IGF2BP3: variants seen among roughly 807,000 people sequenced by gnomAD.
IGF2BP3 encodes the protein insulin-like growth factor 2 mRNA-binding protein 3.
In IGF2BP3, 9 loss-of-function variants were observed where a neutral mutation model predicts 73.8. That is an observed-to-expected ratio of 0.12 (90% confidence interval 0.07 to 0.21). The LOEUF is 0.21. Among genes scored for constraint, IGF2BP3 ranks in the 10% least tolerant of loss-of-function variants. The pLI is 1.00. For missense variants in IGF2BP3, 542 were observed against 714.0 expected (o/e 0.76, Z 2.75); for synonymous variants, 258 against 256.7 (o/e 1.01, Z -0.05).
chr7:23,345,394 T>C (rs1208748436), intron 8 of IGF2BP3, among the ~76,000 whole-genome samples: 1 of 152,212 alleles, frequency 6.6e-6, no homozygotes, highest in Admixed American at 6.5e-5. Context: ...ATAAAAGACA[T>C]TGCAGTTTCC....
intron 6 of IGF2BP3, among the ~76,000 whole-genome samples, chr7:23,351,089 G>A (rs534011556): frequency 1.1e-4 from 16 of 152,276 alleles, no homozygotes; most frequent in African/African-American, 3.9e-4. Flanking sequence ...CCATTCATGT[G>A]TGAAAATCTG....
intron 3 of IGF2BP3, among the ~76,000 whole-genome samples, chr7:23,401,812 A>T (rs1276338715): frequency 6.6e-6 from 1 of 150,634 alleles, no homozygotes; most frequent in Non-Finnish European, 1.5e-5. Context: ...AGCAAAATGC[A>T]GTCTAGGCCG....
At chr7:23,401,881 G>A (rs1786676616) in intron 3 of IGF2BP3, among the ~76,000 whole-genome samples, 1 of 152,146 alleles carries the variant, frequency 6.6e-6, no homozygotes, top group Non-Finnish European at 1.5e-5. Flanking sequence ...GGCTGAGACA[G>A]GTGAATCACC....
intron 12 of IGF2BP3, among the ~76,000 whole-genome samples, chr7:23,314,888 C>G (rs911104510): frequency 6.6e-6 from 1 of 151,956 alleles, no homozygotes; most frequent in African/African-American, 2.4e-5. Context: ...ACCTCCGACC[C>G]CCGGGTTCAA....
At chr7:23,312,688 G>A (rs762046172) in intron 14 of IGF2BP3, 47 bp downstream of exon 14, 1 of 1,310,086 alleles carries the variant, frequency 7.6e-7, no homozygotes, top group Non-Finnish European at 1.1e-6. Flanking sequence ...TGGGAGAATT[G>A]CTTCCACGTG....
intron 2 of IGF2BP3, among the ~76,000 whole-genome samples, chr7:23,465,820 C>T (rs1788554016): frequency 6.6e-6 from 1 of 152,136 alleles, no homozygotes; most frequent in African/African-American, 2.4e-5. Context: ...TTGTGGCATT[C>T]AACTATCAGA....
chr7:23,412,855 T>C (rs1787070338), intron 3 of IGF2BP3, among the ~76,000 whole-genome samples: 1 of 116,788 alleles, frequency 8.6e-6, no homozygotes, highest in Admixed American at 8.6e-5. Context: ...TTTTTTTTTT[T>C]TTTTTTTTTT....
At chr7:23,341,241 CTATCT>C (rs1442055401) in intron 10 of IGF2BP3, among the ~76,000 whole-genome samples, 1 of 152,174 alleles carries the variant, frequency 6.6e-6, no homozygotes, top group African/African-American at 2.4e-5. Flanking sequence ...GTGCACAAAA[CTATCT>C]TATCTCTTTG....
chr7:23,357,642 T>C (rs1213725468), intron 5 of IGF2BP3, among the ~76,000 whole-genome samples: 2 of 152,210 alleles, frequency 1.3e-5, no homozygotes, highest in Admixed American at 6.5e-5. Flanking sequence ...AAAAGGTGCA[T>C]TCACTAAACA....
intron 3 of IGF2BP3, among the ~76,000 whole-genome samples, chr7:23,382,068 AG>A (rs1309319260): frequency 2.0e-5 from 3 of 151,996 alleles, no homozygotes; most frequent in Non-Finnish European, 4.4e-5. Context: ...TGGGCAACAT[AG>A]GAAGACCCCA....
At chr7:23,388,549 G>C (rs1583976487) in intron 3 of IGF2BP3, among the ~76,000 whole-genome samples, 2 of 151,650 alleles carry the variant, frequency 1.3e-5, no homozygotes, top group African/African-American at 2.4e-5. Flanking sequence ...GGTTTCAAGG[G>C]GAACAGAGAT....
intron 13 of IGF2BP3, 28 bp downstream of exon 13, chr7:23,313,494 A>C (rs1783890277): frequency 6.2e-7 from 1 of 1,610,808 alleles, no homozygotes; most frequent in African/African-American, 1.3e-5. Context: ...CTTTCATACC[A>C]CTGCACAGGT....
chr7:23,407,940 GGGGGGCA>G (rs200873039), intron 3 of IGF2BP3, among the ~76,000 whole-genome samples: 53,659 of 109,312 alleles, frequency 0.49, 13,812 homozygotes, highest in African/African-American at 0.61. Context: ...CAACATTTGT[GGGGGGCA>G]GGGGGCGGGG....
chr7:23,449,821 C>T (rs115965882), intron 2 of IGF2BP3, among the ~76,000 whole-genome samples: 3,914 of 152,054 alleles, frequency 0.026, 189 homozygotes, highest in African/African-American at 0.09. Context: ...GCTACCTCAG[C>T]CTCCCAAAGT....
At chr7:23,415,951 T>C (rs1165914985) in intron 3 of IGF2BP3, among the ~76,000 whole-genome samples, 2 of 152,212 alleles carry the variant, frequency 1.3e-5, no homozygotes, top group Non-Finnish European at 2.9e-5. Context: ...GCTGGTGAAT[T>C]TGTTGTTCTT....
At position 23,422,110 on chromosome 7, in the gene IGF2BP3, G is replaced by C. The variant is rs144912748; in HGVS notation, c.237-3286C>G. On this transcript the variant is annotated intron_variant, in intron 2 of 14. Transcript: ENST00000258729. ...CTGTTTTAATCAAGTATCTAACACA[G>C]TAAGGATTAGCAGCAGAGTTAAGAA... is the stretch of plus-strand genomic sequence containing the variant. 2.4e-3 allele frequency among the ~76,000 whole-genome samples: 362 copies of C among 152,192 alleles called. 1 individual carries two copies. The highest frequency in any genetic ancestry group is 7.9e-3 in the African/African-American group (330 of 41,510).
rs1788673515 is a variant in IGF2BP3, at chr7:23,469,877, C to T, written c.175+59G>A. The T allele has an allele frequency of 1.8e-5, 22 of 1,249,792 alleles. No individual in the cohort carries two copies. The highest frequency in any genetic ancestry group is 2.3e-5 in the Non-Finnish European group (22 of 973,664). 77.4% of individuals were successfully genotyped at this position (1,249,792 alleles called of 1,614,324 possible). On this transcript the variant is annotated intron_variant, in intron 1 of 14. Transcript: ENST00000258729. The surrounding 1 kb of genome is among the most constrained non-coding windows in gnomAD (Gnocchi z 6.1). ...GGGGCCCGCGGAGCCACCCGGTGGG[C>T]CTGGGCGGGCGGTGCAGGGCTGGGG...
chr7:23,419,032 G>A (rs746625124), intron 2 of IGF2BP3, among the ~76,000 whole-genome samples: 21 of 152,208 alleles, frequency 1.4e-4, no homozygotes, highest in Admixed American at 1.1e-3. Flanking sequence ...AGCATTTATC[G>A]GACTGTTATG....
intron 2 of IGF2BP3, among the ~76,000 whole-genome samples, chr7:23,426,337 A>C (rs1278359178): frequency 7.4e-6 from 1 of 134,748 alleles, no homozygotes; most frequent in African/African-American, 2.7e-5. Context: ...AAAAAAAAAA[A>C]AAAGGGGGGT....
Sources: gnomAD v4.1 joint callset for allele counts (sites outside exome capture counted in the v4.1 genomes callset) on GRCh38, gnomAD v4.1.1 for gene constraint, Gnocchi (gnomAD v3.1) non-coding constraint, MANE v1.5 for transcripts, NCBI Gene and HGNC (gene_info 2026-07-23, HGNC 2026-07-21) for gene names.